ITGB6: variants seen among roughly 807,000 people sequenced by gnomAD.
ITGB6 encodes the protein integrin subunit beta 6.
In ITGB6, 80 loss-of-function variants were observed where a neutral mutation model predicts 84.5. The observed-to-expected ratio is 0.95, with a 90% CI of 0.79 to 1.14. ITGB6 has a LOEUF of 1.14. Ranked by LOEUF, ITGB6 falls within the 50% of genes most tolerant of loss-of-function variation. The pLI is 0.00. For synonymous variants in ITGB6, 383 were observed against 354.9 expected, an observed-to-expected ratio of 1.08 and a Z score of -0.89; for missense variants, 1,006 against 968.0, an observed-to-expected ratio of 1.04 and a Z score of -0.52.
intron 4 of ITGB6, among the ~76,000 whole-genome samples, chr2:160,180,461 A>G (rs1559209732): frequency 6.6e-6 from 1 of 152,184 alleles, no homozygotes; most frequent in East Asian, 1.9e-4. Context: ...ATTTGTATTT[A>G]ACTTTTATTT....
In ITGB6 at chr2:160,162,117, A is replaced by G. The variant is rs139440846; in HGVS notation, c.1017+7095T>C. Among the ~76,000 whole-genome samples, 366 of 152,350 alleles carry G rather than the reference A, an allele frequency of 2.4e-3. 1 individual carries two copies. The highest frequency in any genetic ancestry group is 8.1e-3 in the African/African-American group (336 of 41,592). The stretch of plus-strand genomic sequence containing the variant: ...ACAAAGTTTTAATACCTGGCAGATG[A>G]ACCAATAGATAAATTCTCTATAAAT... On this transcript the variant is annotated intron_variant, in intron 7 of 14. Transcript: ENST00000283249.
intron 4 of ITGB6, among the ~76,000 whole-genome samples, chr2:160,177,342 G>T (rs545341494): frequency 6.6e-6 from 1 of 151,950 alleles, no homozygotes; most frequent in Non-Finnish European, 1.5e-5. Flanking sequence ...CGAGGTGGGC[G>T]GATCATGAGG....
chr2:160,171,491 C>A lies in ITGB6; in HGVS notation c.921+1078G>T, dbSNP rs533368280. Among the ~76,000 whole-genome samples, 3 of 152,184 alleles carry A rather than the reference C, an allele frequency of 2.0e-5. No homozygotes were observed. In the South Asian group the frequency reaches 6.2e-4, roughly 32 times the overall value. The stretch of plus-strand genomic sequence containing the variant: ...TTGGGACTACAGGCGCCCACCACCA[C>A]GCCCGGCTAAATTTTTGTATTTTTT... On this transcript the variant is annotated intron_variant, in intron 6 of 14. Coordinates refer to ENST00000283249, the MANE Select transcript of ITGB6 (RefSeq NM_000888.5).
chr2:160,107,315 G>T (rs1696947816), intron 14 of ITGB6, among the ~76,000 whole-genome samples: 1 of 152,090 alleles, frequency 6.6e-6, no homozygotes, highest in Non-Finnish European at 1.5e-5. Flanking sequence ...CCAATTTATG[G>T]AAATGTTTAG....
intron 7 of ITGB6, among the ~76,000 whole-genome samples, chr2:160,145,064 A>C (rs769235963): frequency 6.6e-6 from 1 of 152,252 alleles, no homozygotes; most frequent in East Asian, 1.9e-4. Context: ...TGTAAATATC[A>C]TGTGTCAAAT....
At chr2:160,188,047 G>A (rs1213464423) in intron 4 of ITGB6, among the ~76,000 whole-genome samples, 3 of 152,106 alleles carry the variant, frequency 2.0e-5, no homozygotes, top group Non-Finnish European at 4.4e-5. Context: ...AATTACTCTA[G>A]GAGGTCAATA....
intron 11 of ITGB6, among the ~76,000 whole-genome samples, chr2:160,125,870 G>A (rs1289490995): frequency 2.6e-5 from 4 of 152,178 alleles, no homozygotes; most frequent in Non-Finnish European, 4.4e-5. Flanking sequence ...AAAGAGCATG[G>A]GTGGTAAAGA....
Position 160,107,824 on chromosome 2 carries a change from A to G in ITGB6, c.2123T>C (p.Ile708Thr). 6.2e-7 allele frequency: 1 copy of G among 1,611,920 alleles called. No individual in the cohort carries two copies. Among genetic ancestry groups the G allele is most frequent in the Non-Finnish European group, 8.5e-7 (1 of 1,178,474 alleles). The change falls in exon 14 of 15, where the codon ATT becomes ACT. Residue 708 changes from isoleucine to threonine, a missense_variant. Physicochemically the swap from Ile to Thr is moderately conservative, Grantham distance 89. Coordinates refer to ENST00000283249, the MANE Select transcript of ITGB6 (RefSeq NM_000888.5). ...NEKDCPKPPNIPMIMLGVSLA... is the reference protein window; with the variant it reads ...NEKDCPKPPNTPMIMLGVSLA... Reference sequence around the variant, plus strand: ...GGAAACCCCTAACATGATCATGGGAATGTTTGGAGGCTTCGGACAATCTGC... The same window carrying G: ...GGAAACCCCTAACATGATCATGGGAGTGTTTGGAGGCTTCGGACAATCTGC...
intron 12 of ITGB6, 92 bp from the exon 13 acceptor site, chr2:160,112,291 TAG>T: frequency 8.2e-7 from 1 of 1,224,294 alleles, no homozygotes; most frequent in African/African-American, 1.5e-5. Flanking sequence ...ATATGTAAAT[TAG>T]AGTTTTCAAT....
intron 4 of ITGB6, among the ~76,000 whole-genome samples, chr2:160,179,929 C>T (rs1163269915): frequency 8.1e-6 from 1 of 123,988 alleles, no homozygotes; most frequent in Non-Finnish European, 1.6e-5. Context: ...GAAACCCTGT[C>T]TCTACTAAAA....
chr2:160,115,220 G>A (rs544710976), intron 12 of ITGB6, among the ~76,000 whole-genome samples: 40 of 152,344 alleles, frequency 2.6e-4, no homozygotes, highest in African/African-American at 6.3e-4. Flanking sequence ...CCTGACCCCC[G>A]AACAGCCTAA....
At position 160,195,512 on chromosome 2, in the gene ITGB6, G is replaced by A; in HGVS notation, c.450C>T (p.Asn150=). The A allele has an allele frequency of 6.2e-7, 1 of 1,614,166 alleles. No individual in the cohort carries two copies. The highest frequency in any genetic ancestry group is 1.7e-5 in the Admixed American group (1 of 60,018). Residue 150 remains asparagine, a synonymous_variant, in exon 4 of 15, where the codon AAC becomes AAT. Coordinates refer to ENST00000283249, the MANE Select transcript of ITGB6 (RefSeq NM_000888.5). The part of the protein sequence containing the change: ...DLSASMDDDL[N]TIKELGSRLS... ...GCCGGGAGCCCAGCTCCTTTATTGT[G>A]TTGAGGTCGTCATCCATGGAGGCGG... is the stretch of plus-strand genomic sequence containing the variant.
chr2:160,129,906 GTA>G (rs200612290), intron 10 of ITGB6, among the ~76,000 whole-genome samples: 2 of 151,586 alleles, frequency 1.3e-5, no homozygotes, highest in African/African-American at 2.4e-5. Flanking sequence ...GTGCATATAT[GTA>G]TATATATATG....
At chr2:160,195,173 C>T (rs928838176) in intron 4 of ITGB6, among the ~76,000 whole-genome samples, 196 bp downstream of exon 4, 35 of 152,124 alleles carry the variant, frequency 2.3e-4, no homozygotes, top group African/African-American at 8.0e-4. Context: ...CTCAAGGACC[C>T]ACGGCTAGAA....
At chr2:160,129,534 G>A (rs1264231797) in intron 10 of ITGB6, among the ~76,000 whole-genome samples, 1 of 152,058 alleles carries the variant, frequency 6.6e-6, no homozygotes, top group East Asian at 1.9e-4. Context: ...CTATACAAGT[G>A]TTAGTTACTG....
At chr2:160,117,955 A>G (rs1451371281) in intron 12 of ITGB6, among the ~76,000 whole-genome samples, 1 of 152,228 alleles carries the variant, frequency 6.6e-6, no homozygotes. Flanking sequence ...TCCTCCCAAG[A>G]CTAAACCAGG....
chr2:160,171,243 C>A (rs951989464), intron 6 of ITGB6, among the ~76,000 whole-genome samples: 1 of 152,010 alleles, frequency 6.6e-6, no homozygotes, highest in Admixed American at 6.6e-5. Flanking sequence ...TCTAAGAAGT[C>A]ACTTAAATTC....
At chr2:160,154,544 G>A in intron 7 of ITGB6, among the ~76,000 whole-genome samples, 1 of 152,098 alleles carries the variant, frequency 6.6e-6, no homozygotes, top group East Asian at 1.9e-4. Flanking sequence ...TATCAAACCT[G>A]CACTTTGTGC....
chr2:160,136,977 AC>A, intron 10 of ITGB6, among the ~76,000 whole-genome samples: 1 of 152,014 alleles, frequency 6.6e-6, no homozygotes, highest in East Asian at 1.9e-4. Context: ...GGTGCAGCAC[AC>A]CAACATGGCA....
Sources: allele counts gnomAD v4.1 joint callset (sites outside exome capture counted in the v4.1 genomes callset), GRCh38; gene constraint gnomAD v4.1.1; transcripts MANE v1.5; gene names NCBI Gene and HGNC (gene_info 2026-07-23, HGNC 2026-07-21).